Variants in DPYD observed in about 807,000 individuals in gnomAD.
The protein encoded by DPYD is dihydropyrimidine dehydrogenase [NADP(+)].
In DPYD, 109 loss-of-function variants were observed where a neutral mutation model predicts 116.2. The observed-to-expected ratio is 0.94, with a 90% confidence interval of 0.80 to 1.10. The LOEUF is 1.10. DPYD is among the 50% of genes least tolerant of loss of function. The pLI is 0.00. For missense variants in DPYD, 1,302 were observed against 1,254.5 expected, an observed-to-expected ratio of 1.04 and a Z score of -0.57; for synonymous variants, 440 against 432.0, an observed-to-expected ratio of 1.02 and a Z score of -0.23.
At chr1:97,855,309 T>TA (rs1288441322) in intron 2 of DPYD, 3 of 152,294 alleles carry the variant, frequency 2.0e-5, no homozygotes, top group Admixed American at 6.5e-5. Context: ...CAGGTGACGG[T>TA]AGTGCTGCCA....
chr1:97,667,215 T>G (rs1251136888), intron 8 of DPYD, among the ~76,000 whole-genome samples: 8 of 152,160 alleles, frequency 5.3e-5, no homozygotes, highest in African/African-American at 1.7e-4. Flanking sequence ...ATATAAGATA[T>G]TTTGCTATCT....
chr1:97,088,706 C>T (rs2101573451), intron 21 of DPYD, among the ~76,000 whole-genome samples: 1 of 152,250 alleles, frequency 6.6e-6, no homozygotes, highest in South Asian at 2.1e-4. Flanking sequence ...CTAGCCCTTC[C>T]ATCAGACCCA....
intron 22 of DPYD, among the ~76,000 whole-genome samples, chr1:97,080,569 A>G (rs909953577): frequency 1.6e-4 from 25 of 152,292 alleles, no homozygotes; most frequent in African/African-American, 6.0e-4. Context: ...AGTCATGAGA[A>G]TATCTGTCCA....
chr1:97,400,396 T>C lies in DPYD; in HGVS notation c.1906-17935A>G, dbSNP rs992252319. Among the ~76,000 whole-genome samples the C allele has an allele frequency of 3.9e-5, 6 of 152,334 alleles. No homozygotes were observed. In the East Asian group the frequency reaches 1.2e-3, roughly 29 times the overall value. On this transcript the variant is annotated intron_variant, in intron 14 of 22. Coordinates refer to ENST00000370192, the MANE Select transcript of DPYD (RefSeq NM_000110.4). ...TTGCATCGATGTTCATCACGGATAT[T>C]GGTCTAAAATTATCTTTTTCTGTTG... is the stretch of plus-strand genomic sequence containing the variant.
chr1:97,105,241 G>A lies in DPYD; in HGVS notation c.2623-6609C>T, dbSNP rs56283857. 5.6e-3 allele frequency among the ~76,000 whole-genome samples: 845 copies of A among 152,080 alleles called. 6 individuals carry two copies. Among genetic ancestry groups the A allele is most frequent in the African/African-American group, 0.019 (781 of 41,502 alleles). On this transcript the variant is annotated intron_variant, in intron 20 of 22. Coordinates refer to ENST00000370192, the MANE Select transcript of DPYD (RefSeq NM_000110.4). The stretch of plus-strand genomic sequence containing the variant: ...AAGAGATGGTCCAAGCATTATGCAT[G>A]GAGAAATGTAGAATTTTGAAGGAGA...
At chr1:97,557,308 C>CTTTTTTTTTTTTTTT (rs796245332) in intron 11 of DPYD, among the ~76,000 whole-genome samples, 1 of 107,158 alleles carries the variant, frequency 9.3e-6, no homozygotes, top group Non-Finnish European at 1.9e-5. Context: ...TTTTTCTTTT[C>CTTTTTTTTTTTTTTT]TTTTTTTTTT....
chr1:97,452,381 A>G (rs1167421295), intron 13 of DPYD, among the ~76,000 whole-genome samples: 1 of 152,132 alleles, frequency 6.6e-6, no homozygotes, highest in Non-Finnish European at 1.5e-5. Flanking sequence ...CCTGGCCTTT[A>G]GTGGTGCTAA....
At chr1:97,269,940 G>T (rs1372294420) in intron 18 of DPYD, among the ~76,000 whole-genome samples, 1 of 152,112 alleles carries the variant, frequency 6.6e-6, no homozygotes, top group Admixed American at 6.5e-5. Context: ...TTTATGATAA[G>T]ATTTAATTGC....
intron 13 of DPYD, among the ~76,000 whole-genome samples, chr1:97,479,221 A>G (rs1003600250): frequency 2.0e-5 from 3 of 152,220 alleles, no homozygotes; most frequent in African/African-American, 7.2e-5. Flanking sequence ...ATTTCAGCCC[A>G]TATCGGTTTT....
chr1:97,560,938 G>A (rs555183108), intron 11 of DPYD, among the ~76,000 whole-genome samples: 4 of 152,284 alleles, frequency 2.6e-5, no homozygotes, highest in Non-Finnish European at 4.4e-5. Flanking sequence ...TGGCAAGGGT[G>A]TTAAGGATGA....
intron 12 of DPYD, among the ~76,000 whole-genome samples, chr1:97,532,242 T>C (rs1267374341): frequency 6.6e-6 from 1 of 152,132 alleles, no homozygotes; most frequent in Non-Finnish European, 1.5e-5. Flanking sequence ...TTATAGGTCA[T>C]AGAATATGAT....
At chr1:97,762,493 G>C (rs1033232717) in intron 3 of DPYD, among the ~76,000 whole-genome samples, 1 of 152,074 alleles carries the variant, frequency 6.6e-6, no homozygotes, top group Non-Finnish European at 1.5e-5. Context: ...CTGATAGAAG[G>C]AATGGAAAGA....
chr1:97,409,368 T>C (rs554656616), intron 14 of DPYD, among the ~76,000 whole-genome samples: 1 of 152,178 alleles, frequency 6.6e-6, no homozygotes, highest in African/African-American at 2.4e-5. Context: ...AGGCAATGTA[T>C]GGTAAGCTCC....
At chr1:97,429,283 T>C (rs939712860) in intron 14 of DPYD, among the ~76,000 whole-genome samples, 1 of 152,068 alleles carries the variant, frequency 6.6e-6, no homozygotes, top group Non-Finnish European at 1.5e-5. Flanking sequence ...GTATGCTTTC[T>C]AAGTTGTTTT....
chr1:97,295,691 G>C (rs1443441826), intron 18 of DPYD: 1 of 885,034 alleles, frequency 1.1e-6, no homozygotes, highest in East Asian at 1.2e-4. Context: ...GCAGCTTCCC[G>C]AAGTGCTGGG....
chr1:97,187,718 T>A (rs965950882), intron 20 of DPYD, among the ~76,000 whole-genome samples: 1 of 152,152 alleles, frequency 6.6e-6, no homozygotes, highest in South Asian at 2.1e-4. Context: ...TACATTTAAG[T>A]CTTTGATGGG....
At chr1:97,472,789 T>G (rs112227107) in intron 13 of DPYD, among the ~76,000 whole-genome samples, 21 of 152,314 alleles carry the variant, frequency 1.4e-4, no homozygotes, top group African/African-American at 4.8e-4. Flanking sequence ...TAGGATAAAA[T>G]GTTCCCCTAA....
chr1:97,857,745 T>C (rs1301494685), intron 2 of DPYD, among the ~76,000 whole-genome samples: 2 of 152,058 alleles, frequency 1.3e-5, no homozygotes, highest in Non-Finnish European at 2.9e-5. Context: ...AACAAATTAG[T>C]CAAACCCAAA....
intron 20 of DPYD, among the ~76,000 whole-genome samples, chr1:97,184,845 C>T (rs919150673): frequency 2.0e-5 from 3 of 152,028 alleles, no homozygotes; most frequent in African/African-American, 7.2e-5. Flanking sequence ...AGTGCAAGCC[C>T]ATTTTTTTCC....
Sources: allele counts gnomAD v4.1 joint callset (sites outside exome capture counted in the v4.1 genomes callset), GRCh38; gene constraint gnomAD v4.1.1; transcripts MANE v1.5; gene names NCBI Gene and HGNC (gene_info 2026-07-23, HGNC 2026-07-21).